SOX5: variants seen among roughly 807,000 people sequenced by gnomAD.
SOX5 encodes the protein SRY-box transcription factor 5.
SOX5 carries 9 observed loss-of-function variants against 92.0 expected under a neutral mutation model. The ratio of observed to expected loss-of-function variants is 0.10; its 90% confidence interval spans 0.06 to 0.17. SOX5 has a LOEUF of 0.17. SOX5 is among the 10% of genes least tolerant of loss of function. The pLI, the probability that SOX5 is intolerant of heterozygous loss-of-function variation, is 1.00. For synonymous variants in SOX5, 344 were observed against 336.3 expected (o/e 1.02, Z -0.25); for missense variants, 642 against 944.5 (o/e 0.68, Z 4.20).
intron 1 of SOX5, among the ~76,000 whole-genome samples, chr12:24,543,289 T>C (rs924831998): frequency 1.3e-5 from 2 of 152,268 alleles, no homozygotes; most frequent in Non-Finnish European, 2.9e-5. Flanking sequence ...CCTTACTCAA[T>C]TCATGTGTAA....
intron 1 of SOX5, among the ~76,000 whole-genome samples, chr12:24,481,665 A>G (rs1161738048): frequency 6.6e-6 from 1 of 152,248 alleles, no homozygotes; most frequent in Non-Finnish European, 1.5e-5. Flanking sequence ...TTTTTAGAAG[A>G]GGATAACAGA....
chr12:23,730,581 C>A (rs901257725), intron 6 of SOX5, among the ~76,000 whole-genome samples: 2 of 152,038 alleles, frequency 1.3e-5, no homozygotes, highest in South Asian at 2.1e-4. Flanking sequence ...AGACTGTAAC[C>A]CTACAAAGTC....
chr12:23,883,725 T>C (rs1455597660), intron 2 of SOX5, among the ~76,000 whole-genome samples: 1 of 152,206 alleles, frequency 6.6e-6, no homozygotes, highest in Non-Finnish European at 1.5e-5. Context: ...TATCTCATAA[T>C]CTTAACAAAA....
chr12:24,262,225 G>GT (rs1942218960), intron 3 of SOX5, among the ~76,000 whole-genome samples: 1 of 152,178 alleles, frequency 6.6e-6, no homozygotes, highest in African/African-American at 2.4e-5. Context: ...GGCATAATGA[G>GT]TTGTATGGGA....
At chr12:23,659,323 G>T (rs370617546) in intron 7 of SOX5, among the ~76,000 whole-genome samples, 8 of 152,312 alleles carry the variant, frequency 5.3e-5, no homozygotes, top group Non-Finnish European at 8.8e-5. Context: ...TTTTATTGCG[G>T]TGTATGAGGA....
intron 2 of SOX5, among the ~76,000 whole-genome samples, chr12:23,883,668 C>A (rs2097026011): frequency 6.6e-6 from 1 of 152,108 alleles, no homozygotes; most frequent in Non-Finnish European, 1.5e-5. Flanking sequence ...TGATTTGGAA[C>A]CCAAGCAGTT....
chr12:24,379,660 G>A (rs903851740), intron 1 of SOX5, among the ~76,000 whole-genome samples: 4 of 152,096 alleles, frequency 2.6e-5, no homozygotes, highest in African/African-American at 9.7e-5. Flanking sequence ...ACAGAGACAA[G>A]AGAAAGGGAT....
chr12:23,607,074 A>C (rs911337830), intron 8 of SOX5, among the ~76,000 whole-genome samples: 1 of 152,162 alleles, frequency 6.6e-6, no homozygotes, highest in African/African-American at 2.4e-5. Context: ...ACCCTTTCTC[A>C]TATTTGGCTT....
At chr12:24,139,048 T>A (rs1325496207) in intron 4 of SOX5, among the ~76,000 whole-genome samples, 1 of 152,212 alleles carries the variant, frequency 6.6e-6, no homozygotes, top group Non-Finnish European at 1.5e-5. Context: ...GCATGCAAAC[T>A]GCTCAGCTGC....
At chr12:23,850,424 T>C (rs1361571852) in intron 2 of SOX5, among the ~76,000 whole-genome samples, 1 of 125,274 alleles carries the variant, frequency 8.0e-6, no homozygotes, top group Admixed American at 9.8e-5. Flanking sequence ...TGAGACTCTG[T>C]CTACAAAAAA....
chr12:23,690,805 G>T (rs919661489), intron 6 of SOX5, among the ~76,000 whole-genome samples: 3 of 152,064 alleles, frequency 2.0e-5, no homozygotes, highest in African/African-American at 7.2e-5. Flanking sequence ...GATCTCAATG[G>T]CTTTCTCATT....
At chr12:23,747,387 T>C (rs1307300517) in intron 4 of SOX5, among the ~76,000 whole-genome samples, 1 of 152,164 alleles carries the variant, frequency 6.6e-6, no homozygotes, top group African/African-American at 2.4e-5. Flanking sequence ...GAAAGGTAAA[T>C]CAAGTCATGC....
intron 4 of SOX5, among the ~76,000 whole-genome samples, chr12:24,085,520 C>T (rs1207874110): frequency 6.6e-6 from 1 of 152,036 alleles, no homozygotes; most frequent in Non-Finnish European, 1.5e-5. Flanking sequence ...TTATGTTAAA[C>T]CAGGACTTTA....
chr12:23,882,027 C>A (rs1047340917), intron 2 of SOX5, among the ~76,000 whole-genome samples: 4 of 152,130 alleles, frequency 2.6e-5, no homozygotes, highest in Non-Finnish European at 5.9e-5. Context: ...ACCCTCCCCA[C>A]TAAAAACGGC....
intron 1 of SOX5, among the ~76,000 whole-genome samples, chr12:24,412,050 T>C (rs1566100899): frequency 6.6e-6 from 1 of 152,208 alleles, no homozygotes; most frequent in African/African-American, 2.4e-5. Context: ...TGTGAATTTA[T>C]GTGTGTAGAG....
intron 9 of SOX5, among the ~76,000 whole-genome samples, chr12:23,603,349 T>TA (rs1346966966): frequency 6.6e-6 from 1 of 150,948 alleles, no homozygotes; most frequent in Non-Finnish European, 1.5e-5. Flanking sequence ...TGACTATTCT[T>TA]ACACTGTTTT....
chr12:24,089,331 C>T (rs1213380062), intron 4 of SOX5, among the ~76,000 whole-genome samples: 3 of 152,070 alleles, frequency 2.0e-5, no homozygotes, highest in African/African-American at 7.2e-5. Context: ...GATCCATCTG[C>T]ATTACAGTCG....
intron 4 of SOX5, among the ~76,000 whole-genome samples, chr12:24,171,681 G>C (rs1332902865): frequency 6.6e-6 from 1 of 152,094 alleles, no homozygotes; most frequent in South Asian, 2.1e-4. Flanking sequence ...AGTGTGAATA[G>C]GGGGCTAGAG....
At chr12:24,533,908 G>A (rs1413922430) in intron 1 of SOX5, among the ~76,000 whole-genome samples, 2 of 152,198 alleles carry the variant, frequency 1.3e-5, no homozygotes, top group Non-Finnish European at 2.9e-5. Flanking sequence ...TGTGCACGCT[G>A]TGAATGTATA....
Sources: allele counts gnomAD v4.1 joint callset (sites outside exome capture counted in the v4.1 genomes callset), GRCh38; gene constraint gnomAD v4.1.1; transcripts MANE v1.5; gene names NCBI Gene and HGNC (gene_info 2026-07-23, HGNC 2026-07-21).